The following WASF3 variants were observed in gnomAD, a reference collection of about 807,000 sequenced individuals.
WASF3 encodes actin-binding protein WASF3.
In WASF3, 11 loss-of-function variants were observed where a neutral mutation model predicts 46.6. The observed-to-expected ratio is 0.24, with a 90% CI of 0.15 to 0.39. The LOEUF (loss-of-function observed/expected upper bound fraction) is 0.39, where lower values mean the gene tolerates loss of function less well. Ranked by LOEUF, WASF3 falls within the 10% of genes least tolerant of loss-of-function variation. The probability of loss-of-function intolerance (pLI) is 1.00; values close to 1 mark genes in which losing one functional copy is unlikely to be tolerated. For missense variants in WASF3, 576 were observed against 669.8 expected (o/e 0.86, Z 1.55); for synonymous variants, 242 against 259.7 (o/e 0.93, Z 0.65).
the WASF3 span, among the ~76,000 whole-genome samples, chr13:26,539,368 C>G: frequency 2.0e-5 from 3 of 152,092 alleles, no homozygotes; most frequent in African/African-American, 7.2e-5. Flanking sequence ...GAACCAGGGA[C>G]CCAGGGAGAA....
intron 1 of WASF3, among the ~76,000 whole-genome samples, chr13:26,569,123 TATC>T (rs1879558249): frequency 1.3e-5 from 2 of 152,226 alleles, no homozygotes; most frequent in African/African-American, 2.4e-5. Flanking sequence ...GAATTTTAAT[TATC>T]ATAATATTGG....
chr13:26,577,277 T>C (rs1879828332), intron 1 of WASF3: 2 of 742,520 alleles, frequency 2.7e-6, no homozygotes, highest in Admixed American at 1.8e-5. Context: ...CTACCGATGG[T>C]TACTTGCTTT....
intron 7 of WASF3, among the ~76,000 whole-genome samples, chr13:26,677,393 A>G (rs906259227): frequency 2.0e-5 from 3 of 152,318 alleles, no homozygotes; most frequent in East Asian, 3.9e-4. Context: ...TCAGTTTTCT[A>G]TTTCTGCTTT....
intron 2 of WASF3, among the ~76,000 whole-genome samples, chr13:26,641,694 T>C (rs750433026): frequency 3.3e-5 from 5 of 152,126 alleles, no homozygotes; most frequent in Non-Finnish European, 7.3e-5. Flanking sequence ...TGACTTCTCA[T>C]GGTCCAGATG....
rs1225674001 is a variant in WASF3 at position 26,686,940 on chromosome 13, G to A, written c.*1095G>A. The A allele has an allele frequency of 2.6e-5, 4 of 152,244 alleles. No individual in the cohort carries two copies. The highest frequency in any genetic ancestry group is 7.2e-5 in the African/African-American group (3 of 41,468). The allele number at this position is 152,244 out of a possible 1,614,324, so 9.4% of individuals were successfully genotyped here. On this transcript the variant is annotated 3_prime_UTR_variant, in exon 10 of 10. Transcript: ENST00000335327. The stretch of plus-strand genomic sequence containing the variant: ...TGGGGCCAGATTAGGGATCACTCCC[G>A]TGAGGAGGGCCTTCACCCTGTTCTA...
At chr13:26,657,144 G>A (rs1446263068) in intron 3 of WASF3, among the ~76,000 whole-genome samples, 1 of 152,194 alleles carries the variant, frequency 6.6e-6, no homozygotes. Context: ...CGCTTGGCTT[G>A]CCAGCAGAAT....
chr13:26,650,303 A>C (rs1194378949), intron 3 of WASF3, among the ~76,000 whole-genome samples: 1 of 151,412 alleles, frequency 6.6e-6, no homozygotes, highest in African/African-American at 2.4e-5. Flanking sequence ...ACTGTATAAC[A>C]CTCCCTTTTC....
At chr13:26,626,835 AC>A (rs1881478859) in intron 2 of WASF3, among the ~76,000 whole-genome samples, 1 of 152,228 alleles carries the variant, frequency 6.6e-6, no homozygotes, top group Admixed American at 6.5e-5. Flanking sequence ...ATATGTGGCT[AC>A]ATTCAACAAC....
intron 4 of WASF3, among the ~76,000 whole-genome samples, chr13:26,666,845 G>A (rs547616836): frequency 8.4e-4 from 112 of 133,114 alleles, no homozygotes; most frequent in African/African-American, 3.1e-3. Flanking sequence ...CTCCAGCCTG[G>A]GTTACAGAGC....
intron 3 of WASF3, among the ~76,000 whole-genome samples, chr13:26,655,636 TTTTTTGTCATGCCA>T (rs1315934759): frequency 4.6e-5 from 7 of 152,198 alleles, no homozygotes; most frequent in Admixed American, 2.6e-4. Context: ...GAATGGTGAT[TTTTTTGTCATGCCA>T]TAATTTCTTC....
chr13:26,598,033 A>G (rs1880528410), intron 1 of WASF3, among the ~76,000 whole-genome samples: 2 of 152,216 alleles, frequency 1.3e-5, no homozygotes, highest in South Asian at 2.1e-4. Context: ...TCCCTGAGGA[A>G]TCGCCACACT....
upstream of WASF3, among the ~76,000 whole-genome samples, chr13:26,553,645 G>A (rs535261961): frequency 2.0e-5 from 3 of 152,004 alleles, no homozygotes; most frequent in East Asian, 3.9e-4. Context: ...GTGAAACGCC[G>A]TCTCTAATAA....
At chr13:26,617,214 G>T (rs1881161553) in intron 2 of WASF3, among the ~76,000 whole-genome samples, 1 of 151,402 alleles carries the variant, frequency 6.6e-6, no homozygotes, top group African/African-American at 2.4e-5. Context: ...AGAAAAGTAT[G>T]TTGGGTCTTC....
chr13:26,669,891 C>T (rs1029281592), intron 5 of WASF3, among the ~76,000 whole-genome samples: 6 of 152,168 alleles, frequency 3.9e-5, no homozygotes, highest in Non-Finnish European at 8.8e-5. Context: ...AATAGGAACG[C>T]TTTTATACTG....
chr13:26,680,803 G>C (rs1013454431), intron 7 of WASF3, among the ~76,000 whole-genome samples: 1 of 152,058 alleles, frequency 6.6e-6, no homozygotes, highest in Admixed American at 6.5e-5. Context: ...CCTGCTTGCC[G>C]GTCTGTCTGA....
Position 26,681,120 on chromosome 13 carries a change from G to A in WASF3, c.783G>A (p.Gln261=), listed in dbSNP as rs1883213629. 3 of 1,614,018 alleles carry A rather than the reference G, an allele frequency of 1.9e-6. No individual in the cohort carries two copies. Among genetic ancestry groups the A allele is most frequent in the Non-Finnish European group, 2.5e-6 (3 of 1,180,030 alleles). ...CTCCCAACCATTCTCTGCACCCCCA[G>A]CCTGTGACCCCTTCCTATGCAGCTG... is the stretch of plus-strand genomic sequence containing the variant. ...PATPNHSLHP[Q]PVTPSYAAGD... The change falls in exon 8 of 10, where the codon CAG becomes CAA. Residue 261 remains glutamine (Q), a synonymous_variant. Transcript: ENST00000335327.
intron 3 of WASF3, among the ~76,000 whole-genome samples, chr13:26,644,815 C>A (rs1303636315): frequency 6.6e-6 from 1 of 152,066 alleles, no homozygotes; most frequent in Non-Finnish European, 1.5e-5. Flanking sequence ...TGAGGAAAGG[C>A]AAAAGAAGGA....
chr13:26,559,803 TCTTTC>T (rs1879225634), intron 1 of WASF3, among the ~76,000 whole-genome samples: 5 of 61,630 alleles, frequency 8.1e-5, no homozygotes, highest in Non-Finnish European at 1.6e-4. Flanking sequence ...TTTCTTTCTT[TCTTTC>T]TTTTTTTTTT....
chr13:26,633,764 G>T (rs149504100), intron 2 of WASF3, among the ~76,000 whole-genome samples: 1 of 152,272 alleles, frequency 6.6e-6, no homozygotes, highest in East Asian at 1.9e-4. Context: ...AGTCATTCAG[G>T]AGCAGGTTGT....
Sources: gnomAD v4.1 joint callset for allele counts (sites outside exome capture counted in the v4.1 genomes callset) on GRCh38, gnomAD v4.1.1 for gene constraint, MANE v1.5 for transcripts, NCBI Gene and HGNC (gene_info 2026-07-23, HGNC 2026-07-21) for gene names.